Variants in NEB observed in about 807,000 individuals in gnomAD.
The protein encoded by NEB is nemaline myopathy type 2.
NEB carries 512 observed loss-of-function variants against 952.2 expected under a neutral mutation model. The observed-to-expected ratio is 0.54, with a 90% CI of 0.50 to 0.58. The LOEUF (loss-of-function observed/expected upper bound fraction) is 0.58. Among genes scored for constraint, NEB ranks in the 20% least tolerant of loss-of-function variants. NEB has a pLI of 0.00. For missense variants in NEB, 8,428 were observed against 9,231.1 expected, an observed-to-expected ratio of 0.91 and a Z score of 3.56; for synonymous variants, 2,900 against 3,149.8, an observed-to-expected ratio of 0.92 and a Z score of 2.66.
chr2:151,519,608 A>T, intron 154 of NEB, 50 bp downstream of exon 154: 2 of 1,378,812 alleles, frequency 1.5e-6, no homozygotes, highest in Non-Finnish European at 2.1e-6. Context: ...AAAAACAGTT[A>T]AAATGGCAAA....
At chr2:151,638,407 A>C (rs1330783968) in intron 63 of NEB, among the ~76,000 whole-genome samples, 2 of 152,178 alleles carry the variant, frequency 1.3e-5, no homozygotes, top group Non-Finnish European at 2.9e-5. Context: ...AGCTTGGGAT[A>C]TTGGATTTGA....
At chr2:151,629,102 A>G (rs2098601135) in intron 68 of NEB, among the ~76,000 whole-genome samples, 1 of 152,208 alleles carries the variant, frequency 6.6e-6, no homozygotes, top group Admixed American at 6.5e-5. Flanking sequence ...AAAAACACAG[A>G]GCAGATTTGG....
At chr2:151,692,393 A>T in intron 20 of NEB, 31 bp from the exon 21 acceptor site, 1 of 1,478,406 alleles carries the variant, frequency 6.8e-7, no homozygotes, top group Non-Finnish European at 9.4e-7. Flanking sequence ...TAAACCAAAA[A>T]GAAAGAAATA....
intron 27 of NEB, among the ~76,000 whole-genome samples, chr2:151,685,441 T>G (rs2099488175): frequency 6.6e-6 from 1 of 152,208 alleles, no homozygotes; most frequent in African/African-American, 2.4e-5. Context: ...GAGTCATTTT[T>G]GAATGGATAG....
rs2082483426 is a variant in NEB at position 151,522,332 on chromosome 2, T to G, written c.22479+1979A>C. Among the ~76,000 whole-genome samples, 4 of 152,326 alleles carry G rather than the reference T, an allele frequency of 2.6e-5. No homozygotes were observed. The South Asian group carries it at 8.3e-4, about 32-fold the overall frequency. Reference sequence around the variant, plus strand: ...AGAAGGCCTGAACTGAGAAACTATATTAAATACCAATCTTCAGTATATTAA... The same window carrying G: ...AGAAGGCCTGAACTGAGAAACTATAGTAAATACCAATCTTCAGTATATTAA... On this transcript the variant is annotated intron_variant, in intron 153 of 181. Coordinates refer to ENST00000397345, the MANE Select transcript of NEB (RefSeq NM_001164508.2).
At chr2:151,523,763 C>G (rs528353486) in intron 153 of NEB, among the ~76,000 whole-genome samples, 1 of 152,216 alleles carries the variant, frequency 6.6e-6, no homozygotes, top group African/African-American at 2.4e-5. Flanking sequence ...CATCAGCACC[C>G]TGTGCATACC....
chr2:151,679,738 T>A lies in NEB; in HGVS notation c.3238A>T (p.Arg1080Trp). Residue 1080 changes from arginine to tryptophan, a missense_variant, in exon 32 of 182, where the codon AGG (arginine) becomes TGG (tryptophan). Around this residue, in one of 11 missense-constraint regions of NEB, gnomAD observed 2,851 missense variants for 2,791.5 expected, o/e 1.02. Coordinates refer to ENST00000397345, the MANE Select transcript of NEB (RefSeq NM_001164508.2). ...GGACTTACGTCACTCGCCGCCTGCC[T>A]GGCAGCTTTGGCAGCTCTGATGGGA... is the stretch of plus-strand genomic sequence containing the variant. ...AIPIRAAKAA[R>W]QAASDVQYKK... The A allele has an allele frequency of 7.1e-7, 1 of 1,400,032 alleles. No individual in the cohort carries two copies. Among genetic ancestry groups the A allele is most frequent in the Non-Finnish European group, 9.6e-7 (1 of 1,045,974 alleles). The allele number at this position is 1,400,032 out of a possible 1,614,324, so 86.7% of individuals were successfully genotyped here. A position where few individuals can be genotyped will look rare whatever the true frequency, so the allele number is the denominator to read the frequency against.
chr2:151,579,138 C>G (rs2097031499), intron 105 of NEB, among the ~76,000 whole-genome samples, 200 bp downstream of exon 105: 1 of 105,816 alleles, frequency 9.5e-6, no homozygotes, highest in African/African-American at 3.5e-5. Flanking sequence ...TACACATTAA[C>G]AAATCTATAG....
rs769446481 is a variant in NEB at position 151,665,342 on chromosome 2, G to A, written c.5229C>T (p.Asn1743=). 12 of 1,613,472 alleles carry A rather than the reference G, an allele frequency of 7.4e-6. No individual in the cohort carries two copies. The highest frequency in any genetic ancestry group is 6.7e-5 in the African/African-American group (5 of 74,862). ...GCAGGTGAGTCCTTACCTTGTCCAT[G>A]TTCAGTTTGTTACTCTTGTTAAGTG... The part of the protein sequence containing the change: ...EQALNKSNKL[N]MDKRLYTEKW... Residue 1743 remains asparagine, a synonymous_variant, in exon 42 of 182, where the codon AAC becomes AAT. Coordinates refer to ENST00000397345, the MANE Select transcript of NEB (RefSeq NM_001164508.2).
At chr2:151,653,875 A>G (rs2099058331) in intron 52 of NEB, 117 bp downstream of exon 52, 2 of 628,496 alleles carry the variant, frequency 3.2e-6, no homozygotes, top group Admixed American at 5.7e-5. Flanking sequence ...GGGTAGGAGA[A>G]AATGAAGGAA....
rs776948617 is a variant in NEB, at chr2:151,706,981, T to G, written c.1052A>C (p.Asp351Ala). The G allele has an allele frequency of 1.9e-6, 3 of 1,582,102 alleles. No individual in the cohort carries two copies. The South Asian group carries it at 3.5e-5, about 18-fold the overall frequency. ...VAASKVKYKE[D>A]YEKNKGKADY... Reference sequence around the variant, plus strand: ...TGCTTTTCCTTTATTCTTTTCATAGTCTTCTTTGTATTTTACCTGTAGGAG... The same window carrying G: ...TGCTTTTCCTTTATTCTTTTCATAGGCTTCTTTGTATTTTACCTGTAGGAG... The change falls in exon 13 of 182, where the codon GAC becomes GCC. Residue 351 changes from aspartate (D) to alanine (A), a missense_variant. By Grantham distance (126) the Asp-to-Ala change is moderately radical. This residue lies in a region of NEB where 2,851 missense variants were observed against 2,791.5 expected (regional missense o/e 1.02). Transcript: ENST00000397345.
intron 124 of NEB, among the ~76,000 whole-genome samples, chr2:151,555,494 C>T (rs2095593659): frequency 6.6e-6 from 1 of 152,110 alleles, no homozygotes; most frequent in Non-Finnish European, 1.5e-5. Flanking sequence ...GCTAAGAAAA[C>T]ACAATCCTTG....
At chr2:151,645,957 G>A (rs1174431888) in intron 55 of NEB, among the ~76,000 whole-genome samples, 173 bp downstream of exon 55, 1 of 152,178 alleles carries the variant, frequency 6.6e-6, no homozygotes, top group Non-Finnish European at 1.5e-5. Flanking sequence ...CTGACATAGT[G>A]AGTACTAACA....
intron 136 of NEB, among the ~76,000 whole-genome samples, 193 bp from the exon 137 acceptor site, chr2:151,540,994 TAC>T (rs1241142459): frequency 1.3e-5 from 2 of 152,092 alleles, no homozygotes; most frequent in Admixed American, 1.3e-4. Context: ...TGAAAACAAA[TAC>T]ACATACTCCA....
At position 151,492,287 on chromosome 2, in the gene NEB, A is replaced by T. The variant is rs1204225196; in HGVS notation, c.24874-6T>A. 1.2e-6 allele frequency: 2 copies of T among 1,607,830 alleles called. No homozygotes were observed. Among genetic ancestry groups the T allele is most frequent in the Non-Finnish European group, 1.7e-6 (2 of 1,175,882 alleles). ...AAGTCTTCATGATATTTCACCTGAA[A>T]TGTCATGAATTTGCTTTATGAAAAT... On this transcript the variant is annotated splice_region_variant and splice_polypyrimidine_tract_variant and intron_variant, in intron 177 of 181. Transcript: ENST00000397345.
Position 151,665,522 on chromosome 2 carries a change from G to A in NEB, c.5049C>T (p.Asp1683=), listed in dbSNP as rs777670525. 9.3e-6 allele frequency: 15 copies of A among 1,606,168 alleles called. No individual in the cohort carries two copies. The highest frequency in any genetic ancestry group is 1.3e-5 in the Non-Finnish European group (15 of 1,176,222). ...QIQSDNLYKS[D]FTNWMKGIGW... ...CGATCCCTTTCATCCAATTGGTGAA[G>A]TCAGATTTGTACAGATTCTTTACAA... The change falls in exon 42 of 182, where the codon GAC becomes GAT. Residue 1683 remains aspartate, a synonymous_variant. Transcript: ENST00000397345.
intron 146 of NEB, among the ~76,000 whole-genome samples, chr2:151,528,382 T>C (rs1057310280): frequency 2.6e-5 from 4 of 152,250 alleles, no homozygotes; most frequent in African/African-American, 9.6e-5. Context: ...ATAAGGTTTT[T>C]TTCCCCTCAT....
intron 24 of NEB, 58 bp downstream of exon 24, chr2:151,690,669 A>G (rs755513692): frequency 7.2e-6 from 9 of 1,246,828 alleles, no homozygotes; most frequent in Non-Finnish European, 1.0e-5. Flanking sequence ...AAATGCTTAC[A>G]TTTTAAATGA....
chr2:151,535,925 T>C, intron 141 of NEB, 130 bp from the exon 142 acceptor site: 1 of 589,762 alleles, frequency 1.7e-6, no homozygotes, highest in Non-Finnish European at 2.9e-6. Context: ...TTGTTTGTTT[T>C]GAGACAGGGT....
Sources: allele counts gnomAD v4.1 joint callset (sites outside exome capture counted in the v4.1 genomes callset), GRCh38; gene constraint gnomAD v4.1.1; regional missense constraint gnomAD v4.1.1; transcripts MANE v1.5; gene names NCBI Gene and HGNC (gene_info 2026-07-23, HGNC 2026-07-21).